The following PLCZ1 variants were observed in gnomAD, a reference collection of about 807,000 sequenced individuals.
The protein encoded by PLCZ1 is phospholipase C zeta 1, also known as 1-phosphatidylinositol 4,5-bisphosphate phosphodiesterase zeta-1.
A neutral mutation model predicts 76.8 loss-of-function variants in PLCZ1; 64 were observed. That is an observed-to-expected ratio of 0.83 (90% CI 0.68 to 1.03). The LOEUF (loss-of-function observed/expected upper bound fraction) is 1.03. Among genes scored for constraint, PLCZ1 ranks in the 50% least tolerant of loss-of-function variants. The pLI is 0.00. For missense variants in PLCZ1, 751 were observed against 713.7 expected (o/e 1.05, Z -0.60); for synonymous variants, 248 against 230.8 (o/e 1.07, Z -0.68).
the PLCZ1 span, among the ~76,000 whole-genome samples, chr12:18,670,971 A>G: frequency 6.6e-6 from 1 of 152,126 alleles, no homozygotes; most frequent in Non-Finnish European, 1.5e-5. Flanking sequence ...TCATGAGGTC[A>G]GGAGTTAGAG....
chr12:18,713,693 A>G (rs1429113160), intron 5 of PLCZ1: 2 of 152,216 alleles, frequency 1.3e-5, no homozygotes, highest in Non-Finnish European at 2.9e-5. Context: ...ATCTCTGTCT[A>G]TTCGACTCAT....
At chr12:18,704,186 T>C (rs922448708) in intron 7 of PLCZ1, among the ~76,000 whole-genome samples, 6 of 151,864 alleles carry the variant, frequency 4.0e-5, no homozygotes, top group African/African-American at 1.5e-4. Flanking sequence ...CTAAAAGAGG[T>C]TCATTAGAAT....
Position 18,701,857 on chromosome 12 carries a change from A to G in PLCZ1, c.865-81T>C, listed in dbSNP as rs529005760. On this transcript the variant is annotated intron_variant, in intron 7 of 14. Transcript: ENST00000266505. ...AACAGTCACTGAAAAGTGTTTCACT[A>G]TATTTCCAATTAGCCTACAGTAATA... The G allele has an allele frequency of 3.3e-5, 50 of 1,524,154 alleles. No homozygotes were observed. The African/African-American group carries it at 6.2e-4, about 19-fold the overall frequency. 94.4% of individuals were successfully genotyped at this position (1,524,154 alleles called of 1,614,324 possible). A position where few individuals can be genotyped will look rare whatever the true frequency, so the allele number is the denominator to read the frequency against.
downstream of PLCZ1, among the ~76,000 whole-genome samples, chr12:18,682,565 A>C (rs568945848): frequency 2.0e-5 from 3 of 152,198 alleles, no homozygotes; most frequent in East Asian, 5.8e-4. Context: ...CCATCTTGAA[A>C]GTATATTTAG....
At chr12:18,712,409 A>G (rs1957447357) in intron 6 of PLCZ1, among the ~76,000 whole-genome samples, 1 of 152,176 alleles carries the variant, frequency 6.6e-6, no homozygotes, top group South Asian at 2.1e-4. Flanking sequence ...ATTTCTTACT[A>G]TATCAATAGC....
chr12:18,667,724 G>A, the PLCZ1 span, among the ~76,000 whole-genome samples: 1 of 152,066 alleles, frequency 6.6e-6, no homozygotes, highest in African/African-American at 2.4e-5. Flanking sequence ...TATGAAATAA[G>A]CAATAGTATT....
chr12:18,720,656 A>G (rs1958385349), intron 4 of PLCZ1, among the ~76,000 whole-genome samples: 1 of 152,184 alleles, frequency 6.6e-6, no homozygotes, highest in South Asian at 2.1e-4. Flanking sequence ...CATTTCAACC[A>G]AAAAGAAAAG....
the PLCZ1 span, among the ~76,000 whole-genome samples, chr12:18,658,754 A>G: frequency 0.39 from 59,500 of 151,732 alleles, 11,811 homozygotes; most frequent in East Asian, 0.56. Flanking sequence ...TACATATTCT[A>G]TTTCACAGAG....
rs543268010 is a variant in PLCZ1 at position 18,719,655 on chromosome 12, G to A, written c.368-23C>T. The A allele has an allele frequency of 1.7e-5, 26 of 1,513,112 alleles. No homozygotes were observed. In the South Asian group the frequency reaches 2.9e-4, roughly 17 times the overall value. The allele number at this position is 1,513,112 out of a possible 1,614,324, so 93.7% of individuals were successfully genotyped here. A position where few individuals can be genotyped will look rare whatever the true frequency, so the allele number is the denominator to read the frequency against. On this transcript the variant is annotated intron_variant, in intron 4 of 14. Coordinates refer to ENST00000266505, the MANE Select transcript of PLCZ1 (RefSeq NM_033123.4). ...TAACTAAAAAAATAAAATAAAATAA[G>A]TTAAAAGGATGCAAAAATACCATTA...
the PLCZ1 span, among the ~76,000 whole-genome samples, chr12:18,667,443 T>C: frequency 6.6e-6 from 1 of 152,192 alleles, no homozygotes; most frequent in African/African-American, 2.4e-5. Context: ...GTCAATATTA[T>C]AGTCTTTGAC....
chr12:18,648,982 A>G, the PLCZ1 span, among the ~76,000 whole-genome samples: 1 of 152,222 alleles, frequency 6.6e-6, no homozygotes, highest in African/African-American at 2.4e-5. Flanking sequence ...CACCTCCTCT[A>G]TATCATATGA....
chr12:18,706,116 C>G (rs1055613270), intron 6 of PLCZ1, among the ~76,000 whole-genome samples: 21 of 151,660 alleles, frequency 1.4e-4, no homozygotes, highest in African/African-American at 5.1e-4. Flanking sequence ...GCCTGTAATC[C>G]CAGTTACCTG....
At chr12:18,666,839 T>C in the PLCZ1 span, among the ~76,000 whole-genome samples, 1 of 152,214 alleles carries the variant, frequency 6.6e-6, no homozygotes, top group Non-Finnish European at 1.5e-5. Context: ...GGTTATGTGG[T>C]ATATGGAAAC....
rs1959479627 is a variant in PLCZ1 at position 18,737,368 on chromosome 12, C to T, written c.4G>A (p.Glu2Lys). 1.9e-6 allele frequency: 3 copies of T among 1,613,546 alleles called. No homozygotes were observed. The highest frequency in any genetic ancestry group is 1.7e-5 in the Admixed American group (1 of 59,972). Residue 2 changes from glutamate (E) to lysine (K), a missense_variant, in exon 2 of 15, where the codon GAA (glutamate) becomes AAA (lysine). Coordinates refer to ENST00000266505, the MANE Select transcript of PLCZ1 (RefSeq NM_033123.4). ...GAAGCTCTCAATGGATATCTCATTT[C>T]CATAGTTTCATGACCTGTAGAGCCG... M[E>K]MRWFLSKIQD...
chr12:18,651,778 A>C, the PLCZ1 span, among the ~76,000 whole-genome samples: 7 of 152,192 alleles, frequency 4.6e-5, no homozygotes, highest in Non-Finnish European at 1.0e-4. Context: ...GGCTCCTTGC[A>C]GGGTATATGA....
chr12:18,718,080 G>C lies in PLCZ1; in HGVS notation c.569+1351C>G, dbSNP rs80288091. The stretch of plus-strand genomic sequence containing the variant: ...GCTTTGGGAGTGAGGATATGATTTA[G>C]CCTCACTGTAAGCTAGTGTAAGTGT... On this transcript the variant is annotated intron_variant, in intron 5 of 14. Coordinates refer to ENST00000266505, the MANE Select transcript of PLCZ1 (RefSeq NM_033123.4). Among the ~76,000 whole-genome samples, 1,338 of 152,196 alleles carry C rather than the reference G, an allele frequency of 8.8e-3. 23 individuals carry two copies. The highest frequency in any genetic ancestry group is 0.03 in the African/African-American group (1,262 of 41,544).
Position 18,694,994 on chromosome 12 carries a change from C to T in PLCZ1, c.1377G>A (p.Leu459=). Residue 459 remains leucine (L), a synonymous_variant, in exon 12 of 15, where the codon TTG becomes TTA. Transcript: ENST00000266505. ...FLDNGGSGYI[L]KPHFLRESKS... ...TACTCTCTCTTAAGAAATGTGGTTTCAAAATATATCCAGAACCACCATTAT... is the reference window on the plus strand; with the variant it reads ...TACTCTCTCTTAAGAAATGTGGTTTTAAAATATATCCAGAACCACCATTAT... 1.8e-5 allele frequency: 29 copies of T among 1,610,526 alleles called. No individual in the cohort carries two copies. The highest frequency in any genetic ancestry group is 2.5e-5 in the Non-Finnish European group (29 of 1,177,088).
chr12:18,689,842 T>C (rs1006557113), intron 12 of PLCZ1, among the ~76,000 whole-genome samples: 5 of 152,144 alleles, frequency 3.3e-5, no homozygotes, highest in Admixed American at 2.0e-4. Flanking sequence ...ATAGTAAAAC[T>C]TGGCTCTCTG....
chr12:18,702,987 TC>T (rs2137284008), intron 7 of PLCZ1, among the ~76,000 whole-genome samples: 1 of 152,048 alleles, frequency 6.6e-6, no homozygotes, highest in South Asian at 2.1e-4. Flanking sequence ...CTTTATTTAC[TC>T]ATTGAAAAGC....
Sources: allele counts gnomAD v4.1 joint callset (sites outside exome capture counted in the v4.1 genomes callset), GRCh38; gene constraint gnomAD v4.1.1; transcripts MANE v1.5; gene names NCBI Gene and HGNC (gene_info 2026-07-23, HGNC 2026-07-21).